PTPRD: variants seen among roughly 807,000 people sequenced by gnomAD.
PTPRD encodes the protein receptor-type tyrosine-protein phosphatase delta.
In PTPRD, 34 loss-of-function variants were observed where a neutral mutation model predicts 214.5. That is an observed-to-expected ratio of 0.16 (90% CI 0.12 to 0.21). PTPRD has a LOEUF of 0.21. Ranked by LOEUF, PTPRD falls within the 10% of genes least tolerant of loss-of-function variation. The probability of loss-of-function intolerance (pLI) is 1.00; values close to 1 mark genes in which losing one functional copy is unlikely to be tolerated. For synonymous variants in PTPRD, 1,128 were observed against 845.7 expected (o/e 1.33, Z -5.79); for missense variants, 2,545 against 2,398.7 (o/e 1.06, Z -1.27).
intron 34 of PTPRD, among the ~76,000 whole-genome samples, chr9:8,443,680 T>G (rs2095624226): frequency 6.6e-6 from 1 of 152,122 alleles, no homozygotes. Flanking sequence ...TTTGCAGGTA[T>G]TTTTGGGCCA....
At chr9:8,932,814 G>A (rs1031293942) in intron 11 of PTPRD, among the ~76,000 whole-genome samples, 1 of 152,120 alleles carries the variant, frequency 6.6e-6, no homozygotes, top group Non-Finnish European at 1.5e-5. Context: ...GGCTCCGTGG[G>A]CGTGGAATCT....
intron 7 of PTPRD, among the ~76,000 whole-genome samples, chr9:9,723,174 A>G (rs545176373): frequency 6.6e-5 from 10 of 152,010 alleles, no homozygotes; most frequent in African/African-American, 2.4e-4. Flanking sequence ...TAGGCCTGTG[A>G]TCTATTTTGA....
chr9:8,981,349 T>C (rs998527150), intron 11 of PTPRD, among the ~76,000 whole-genome samples: 10 of 152,094 alleles, frequency 6.6e-5, no homozygotes, highest in African/African-American at 1.9e-4. Flanking sequence ...ATTGTTAATA[T>C]GCTAGAAATT....
intron 39 of PTPRD, among the ~76,000 whole-genome samples, chr9:8,352,305 A>C (rs1361371712): frequency 1.3e-5 from 2 of 152,216 alleles, no homozygotes; most frequent in Non-Finnish European, 2.9e-5. Flanking sequence ...TTAGGCATGG[A>C]TAGAGCAGAC....
At chr9:8,483,438 T>C (rs10977155) in intron 30 of PTPRD, among the ~76,000 whole-genome samples, 6,970 of 152,256 alleles carry the variant, frequency 0.046, 528 homozygotes, top group African/African-American at 0.16. Context: ...ATTCACCTTA[T>C]TCCATAAACT....
intron 2 of PTPRD, among the ~76,000 whole-genome samples, chr9:10,566,626 T>C (rs1200277479): frequency 1.3e-5 from 2 of 152,012 alleles, no homozygotes; most frequent in Admixed American, 6.6e-5. Flanking sequence ...TGTTTTCTCA[T>C]TCAGTGTCTT....
chr9:8,318,400 T>C (rs775744118), intron 45 of PTPRD, among the ~76,000 whole-genome samples: 2 of 152,070 alleles, frequency 1.3e-5, no homozygotes, highest in Non-Finnish European at 2.9e-5. Flanking sequence ...AAAATCTGAA[T>C]TTACTTATCT....
chr9:9,325,444 C>G (rs2136215758), intron 9 of PTPRD, among the ~76,000 whole-genome samples: 1 of 152,130 alleles, frequency 6.6e-6, no homozygotes, highest in Admixed American at 6.6e-5. Flanking sequence ...ATTTTATTCC[C>G]TTTGTAGCCA....
intron 11 of PTPRD, among the ~76,000 whole-genome samples, chr9:8,754,164 A>G (rs1598785359): frequency 6.6e-6 from 1 of 152,292 alleles, no homozygotes; most frequent in South Asian, 2.1e-4. Flanking sequence ...ACTCATTCTT[A>G]TAACGATGTC....
chr9:8,617,909 T>C (rs2095665073), intron 14 of PTPRD, among the ~76,000 whole-genome samples: 1 of 152,132 alleles, frequency 6.6e-6, no homozygotes, highest in Non-Finnish European at 1.5e-5. Flanking sequence ...GAACTAAAGA[T>C]GTACCGTCTT....
chr9:9,144,391 A>AT (rs962556272), intron 10 of PTPRD, among the ~76,000 whole-genome samples: 6 of 152,292 alleles, frequency 3.9e-5, no homozygotes, highest in African/African-American at 1.2e-4. Context: ...GAAATAGTTC[A>AT]TTTTTTTATG....
intron 8 of PTPRD, among the ~76,000 whole-genome samples, chr9:9,565,144 T>C (rs958652704): frequency 1.3e-5 from 2 of 151,772 alleles, no homozygotes; most frequent in Non-Finnish European, 3.0e-5. Context: ...AAAGGTTTTG[T>C]AAAGTGGAAA....
chr9:10,432,482 T>C (rs1009202336), intron 2 of PTPRD, among the ~76,000 whole-genome samples: 25 of 151,854 alleles, frequency 1.6e-4, no homozygotes, highest in African/African-American at 5.5e-4. Context: ...TCTCAACTAA[T>C]TTATCCTAGT....
intron 10 of PTPRD, among the ~76,000 whole-genome samples, chr9:9,140,816 G>T (rs1452913445): frequency 6.6e-6 from 1 of 152,076 alleles, no homozygotes; most frequent in African/African-American, 2.4e-5. Context: ...CTGACCTCGT[G>T]ATCTGCCCGC....
chr9:9,997,698 C>T (rs1180936425), intron 4 of PTPRD, among the ~76,000 whole-genome samples: 4 of 151,978 alleles, frequency 2.6e-5, no homozygotes, highest in South Asian at 2.1e-4. Context: ...GCTCCTGAAA[C>T]GTTTTTTTCT....
chr9:8,847,371 T>A (rs1249618419), intron 11 of PTPRD, among the ~76,000 whole-genome samples: 1 of 152,142 alleles, frequency 6.6e-6, no homozygotes, highest in Non-Finnish European at 1.5e-5. Flanking sequence ...AAAAAACCCT[T>A]GCTACATATT....
chr9:8,954,515 A>G (rs1031655046), intron 11 of PTPRD, among the ~76,000 whole-genome samples: 1 of 144,222 alleles, frequency 6.9e-6, no homozygotes, highest in East Asian at 2.0e-4. Context: ...AAAGAGAGAA[A>G]GAAGAAAGTG....
In PTPRD at chr9:10,442,906, T is replaced by A. The variant is rs578204464; in HGVS notation, c.-599-101889A>T. On this transcript the variant is annotated intron_variant, in intron 2 of 45. Transcript: ENST00000381196. ...TTCTTGAAAAACTGACAAATTACCC[T>A]TTCTTGACATGTATTAGTTGATTGT... Among the ~76,000 whole-genome samples the A allele has an allele frequency of 1.3e-4, 19 of 151,636 alleles. No individual in the cohort carries two copies. In the East Asian group the frequency reaches 3.3e-3, roughly 26 times the overall value.
At chr9:9,692,810 C>G (rs1048805799) in intron 7 of PTPRD, among the ~76,000 whole-genome samples, 1 of 151,686 alleles carries the variant, frequency 6.6e-6, no homozygotes. Context: ...TTTCTTTCAT[C>G]AGTGTTTTAT....
Sources: allele counts gnomAD v4.1 joint callset (sites outside exome capture counted in the v4.1 genomes callset), GRCh38; gene constraint gnomAD v4.1.1; transcripts MANE v1.5; gene names NCBI Gene and HGNC (gene_info 2026-07-23, HGNC 2026-07-21).